The following SIPA1L2 variants were observed in gnomAD, a reference collection of about 807,000 sequenced individuals.
SIPA1L2 encodes the protein signal-induced proliferation-associated 1-like protein 2.
Under a neutral mutation model 163.9 loss-of-function variants are expected in SIPA1L2, and 56 were observed. That is an observed-to-expected ratio of 0.34 (90% CI 0.28 to 0.43). The LOEUF (loss-of-function observed/expected upper bound fraction) is 0.43. Among genes scored for constraint, SIPA1L2 ranks in the 20% least tolerant of loss-of-function variants. The probability of loss-of-function intolerance (pLI) is 1.00; values close to 1 mark genes in which losing one functional copy is unlikely to be tolerated. For synonymous variants in SIPA1L2, 877 were observed against 865.7 expected (o/e 1.01, Z -0.23); for missense variants, 1,974 against 2,193.5 (o/e 0.90, Z 2.00).
chr1:232,605,311 C>T (rs1431463235), intron 1 of SIPA1L2, among the ~76,000 whole-genome samples: 1 of 152,158 alleles, frequency 6.6e-6, no homozygotes, highest in Non-Finnish European at 1.5e-5. Context: ...GCCACTGTGC[C>T]CAGCCACCCA....
At chr1:232,527,722 C>CTTTTTT (rs1452568441) in intron 2 of SIPA1L2, among the ~76,000 whole-genome samples, 1 of 86,276 alleles carries the variant, frequency 1.2e-5, no homozygotes, top group African/African-American at 4.4e-5. Flanking sequence ...TCTTCTTCTT[C>CTTTTTT]TTCTTTTTTT....
chr1:232,537,886 A>G (rs1657410525), intron 2 of SIPA1L2, among the ~76,000 whole-genome samples: 1 of 152,220 alleles, frequency 6.6e-6, no homozygotes, highest in Non-Finnish European at 1.5e-5. Context: ...AACTATCTAC[A>G]TATAACCTTT....
intron 1 of SIPA1L2, among the ~76,000 whole-genome samples, chr1:232,603,616 A>G (rs1243979260): frequency 6.6e-6 from 1 of 152,126 alleles, no homozygotes; most frequent in Admixed American, 6.5e-5. Flanking sequence ...GACGAAAGCC[A>G]TGGGTGGAAG....
At chr1:232,479,822 CA>C in intron 6 of SIPA1L2, 92 bp from the exon 7 acceptor site, 1 of 1,057,370 alleles carries the variant, frequency 9.5e-7, no homozygotes, top group Non-Finnish European at 1.4e-6. Context: ...AAACAAAAAA[CA>C]AAAAACACCA....
chr1:232,541,126 A>G lies in SIPA1L2; in HGVS notation c.-269-25518T>C, dbSNP rs189456548. ...CAGGGGAAGGGAGAGTATCAGAATA[A>G]ACGGCTAATGCACACCGGGCTTAAA... On this transcript the variant is annotated intron_variant, in intron 2 of 22. Transcript: ENST00000674635. Among the ~76,000 whole-genome samples the G allele has an allele frequency of 1.7e-3, 261 of 152,232 alleles. 1 individual carries two copies. Among genetic ancestry groups the G allele is most frequent in the African/African-American group, 5.9e-3 (246 of 41,538 alleles).
At chr1:232,583,580 T>A (rs2102810043) in intron 1 of SIPA1L2, among the ~76,000 whole-genome samples, 1 of 152,304 alleles carries the variant, frequency 6.6e-6, no homozygotes, top group South Asian at 2.1e-4. Flanking sequence ...GCCATAAACA[T>A]TTCAAGACTG....
intron 17 of SIPA1L2, among the ~76,000 whole-genome samples, chr1:232,427,344 T>C (rs929984908): frequency 6.6e-6 from 1 of 152,252 alleles, no homozygotes; most frequent in African/African-American, 2.4e-5. Flanking sequence ...TAGTGTCTAA[T>C]TAGAGTGTTG....
intron 2 of SIPA1L2, among the ~76,000 whole-genome samples, chr1:232,549,094 A>G (rs765549352): frequency 6.6e-6 from 1 of 152,200 alleles, no homozygotes; most frequent in African/African-American, 2.4e-5. Flanking sequence ...CAAAAGGGAC[A>G]TGGAGCTTTC....
At chr1:232,441,142 G>T (rs1662866874) in intron 14 of SIPA1L2, 149 bp downstream of exon 14, 3 of 606,670 alleles carry the variant, frequency 4.9e-6, no homozygotes, top group Non-Finnish European at 8.3e-6. Context: ...TATAAATCAG[G>T]AAGATAGTTT....
intron 7 of SIPA1L2, 31 bp downstream of exon 7, chr1:232,479,590 ACTCAGC>A: frequency 6.5e-7 from 1 of 1,541,566 alleles, no homozygotes; most frequent in Non-Finnish European, 9.0e-7. Context: ...CAGATTTCAT[ACTCAGC>A]GTAAAAAGCT....
intron 2 of SIPA1L2, among the ~76,000 whole-genome samples, chr1:232,573,676 A>G (rs986420991): frequency 2.0e-5 from 3 of 152,072 alleles, no homozygotes; most frequent in African/African-American, 7.2e-5. Flanking sequence ...GGTTTAGATG[A>G]CCGTGCCCCC....
intron 1 of SIPA1L2, among the ~76,000 whole-genome samples, chr1:232,618,092 T>G (rs1363613020): frequency 6.6e-6 from 1 of 152,218 alleles, no homozygotes; most frequent in Non-Finnish European, 1.5e-5. Context: ...TCTGTAAGAT[T>G]GCAAATTTGC....
At chr1:232,503,727 C>G (rs79002404) in intron 3 of SIPA1L2, among the ~76,000 whole-genome samples, 1 of 152,220 alleles carries the variant, frequency 6.6e-6, no homozygotes, top group Non-Finnish European at 1.5e-5. Context: ...ATTTAATTGC[C>G]TACTCTCTGC....
intron 2 of SIPA1L2, among the ~76,000 whole-genome samples, chr1:232,541,296 CATAACAG>C (rs1313840131): frequency 3.5e-5 from 5 of 143,706 alleles, no homozygotes; most frequent in African/African-American, 1.3e-4. Context: ...CATAACATAA[CATAACAG>C]AATATATCTT....
intron 2 of SIPA1L2, among the ~76,000 whole-genome samples, chr1:232,572,417 C>A (rs376875159): frequency 9.9e-5 from 15 of 152,238 alleles, no homozygotes; most frequent in East Asian, 7.7e-4. Context: ...TCAGTCTCAA[C>A]GGTTTTCATT....
At chr1:232,554,663 C>A (rs150692506) in intron 2 of SIPA1L2, among the ~76,000 whole-genome samples, 8 of 152,242 alleles carry the variant, frequency 5.3e-5, no homozygotes, top group Non-Finnish European at 1.0e-4. Context: ...CTGTCACACA[C>A]GTGCTGATGT....
intron 2 of SIPA1L2, among the ~76,000 whole-genome samples, chr1:232,530,570 C>G (rs758124675): frequency 2.6e-5 from 4 of 151,856 alleles, no homozygotes; most frequent in Admixed American, 1.3e-4. Context: ...GTAAATACTC[C>G]TTTTCGCTAA....
chr1:232,427,336 G>A (rs919924940), intron 17 of SIPA1L2, among the ~76,000 whole-genome samples: 1 of 152,228 alleles, frequency 6.6e-6, no homozygotes, highest in Non-Finnish European at 1.5e-5. Flanking sequence ...CTTTGCAGTA[G>A]TGTCTAATTA....
At chr1:232,484,048 G>T in intron 5 of SIPA1L2, 82 bp from the exon 6 acceptor site, 1 of 1,345,978 alleles carries the variant, frequency 7.4e-7, no homozygotes. Flanking sequence ...TACAGAAGCT[G>T]AGAATTGTTC....
Sources: allele counts gnomAD v4.1 joint callset (sites outside exome capture counted in the v4.1 genomes callset), GRCh38; gene constraint gnomAD v4.1.1; transcripts MANE v1.5; gene names NCBI Gene and HGNC (gene_info 2026-07-23, HGNC 2026-07-21).